Variants in WWOX observed in about 807,000 individuals in gnomAD.
The protein encoded by WWOX is WW domain-containing oxidoreductase.
A neutral mutation model predicts 46.2 loss-of-function variants in WWOX; 69 were observed. The ratio of observed to expected loss-of-function variants is 1.49; its 90% CI spans 1.23 to 1.82. WWOX has a LOEUF of 1.82. Ranked by LOEUF, WWOX falls within the 40% of genes most tolerant of loss-of-function variation. WWOX has a pLI of 0.00. For missense variants in WWOX, 919 were observed against 542.6 expected (o/e 1.69, Z -6.89); for synonymous variants, 359 against 202.6 (o/e 1.77, Z -6.56).
At chr16:78,226,488 C>A (rs1161035649) in intron 5 of WWOX, among the ~76,000 whole-genome samples, 8 of 94,620 alleles carry the variant, frequency 8.5e-5, no homozygotes, top group African/African-American at 3.8e-4. Context: ...TGTCTTCCCT[C>A]CCTCCCTCCC....
At chr16:78,224,455 C>A (rs1033434084) in intron 5 of WWOX, among the ~76,000 whole-genome samples, 3 of 151,544 alleles carry the variant, frequency 2.0e-5, no homozygotes, top group African/African-American at 7.3e-5. Context: ...CAAGAAACTG[C>A]CTTTTTTCAT....
At chr16:78,873,073 G>C (rs879488206) in intron 8 of WWOX, 1 of 152,166 alleles carries the variant, frequency 6.6e-6, no homozygotes, top group African/African-American at 2.4e-5. Context: ...CTGAGATTAC[G>C]GGTGTAAGTC....
chr16:78,587,399 G>GATAA (rs2045236063), intron 8 of WWOX, among the ~76,000 whole-genome samples: 1 of 151,928 alleles, frequency 6.6e-6, no homozygotes, highest in South Asian at 2.1e-4. Context: ...GCATAACTCT[G>GATAA]ATAAGAATAA....
chr16:78,635,037 G>T (rs1456345232), intron 8 of WWOX, among the ~76,000 whole-genome samples: 3 of 152,028 alleles, frequency 2.0e-5, no homozygotes, highest in African/African-American at 7.2e-5. Context: ...CAACCCTGAC[G>T]GCTTCCCTGC....
intron 5 of WWOX, among the ~76,000 whole-genome samples, chr16:78,371,182 G>T (rs1302734171): frequency 1.3e-5 from 2 of 152,170 alleles, no homozygotes; most frequent in East Asian, 3.9e-4. Flanking sequence ...CAGCATGAAT[G>T]TCATTGTTTT....
chr16:78,984,066 G>C (rs563140471), intron 8 of WWOX, among the ~76,000 whole-genome samples: 1 of 151,984 alleles, frequency 6.6e-6, no homozygotes, highest in South Asian at 2.1e-4. Context: ...TTTTAGTAGA[G>C]ACAGGGTTTC....
rs1241495268 is a variant in WWOX at position 78,344,983 on chromosome 16, T to C, written c.517-41877T>C. 2.5e-5 allele frequency among the ~76,000 whole-genome samples: 3 copies of C among 120,322 alleles called. 1 individual carries two copies. Among genetic ancestry groups the C allele is most frequent in the Non-Finnish European group, 5.9e-5 (3 of 50,492 alleles). 78.9% of individuals were successfully genotyped at this position (120,322 alleles called of 152,430 possible). On this transcript the variant is annotated intron_variant, in intron 5 of 8. Coordinates refer to ENST00000566780, the MANE Select transcript of WWOX (RefSeq NM_016373.4). ...ACCTCTCTGAGCAAGCTTCCATTTT[T>C]CCAGGTGAAAACGGGAGTTTAGCCT...
intron 8 of WWOX, among the ~76,000 whole-genome samples, chr16:78,706,568 C>G (rs1030491351): frequency 1.3e-5 from 2 of 152,174 alleles, no homozygotes; most frequent in African/African-American, 4.8e-5. Flanking sequence ...AACAAGAGAG[C>G]TCAGCACACT....
chr16:78,600,778 A>C (rs963661102), intron 8 of WWOX, among the ~76,000 whole-genome samples: 6 of 152,208 alleles, frequency 3.9e-5, no homozygotes, highest in African/African-American at 1.4e-4. Flanking sequence ...TTCTCTGTAC[A>C]GCCATCTTGG....
chr16:79,148,725 A>G (rs1171768641), intron 8 of WWOX, among the ~76,000 whole-genome samples: 3 of 152,090 alleles, frequency 2.0e-5, no homozygotes, highest in Non-Finnish European at 2.9e-5. Flanking sequence ...ATGTAATTCT[A>G]TTTATTTAGT....
chr16:78,146,065 G>C (rs1271564612), intron 4 of WWOX: 2 of 152,174 alleles, frequency 1.3e-5, no homozygotes, highest in Admixed American at 6.5e-5. Flanking sequence ...CTTTAAAATG[G>C]TGTTTGCTAA....
intron 8 of WWOX, among the ~76,000 whole-genome samples, chr16:78,448,308 G>A (rs1285620888): frequency 6.6e-6 from 1 of 152,142 alleles, no homozygotes; most frequent in African/African-American, 2.4e-5. Flanking sequence ...AAAACTCTAT[G>A]TATTAGTTAT....
chr16:78,183,376 A>T (rs370988401), intron 5 of WWOX, among the ~76,000 whole-genome samples: 4 of 152,308 alleles, frequency 2.6e-5, no homozygotes, highest in Admixed American at 1.3e-4. Flanking sequence ...TGGGTGGCAT[A>T]GGACCAGTTG....
chr16:78,322,120 G>T (rs528555951), intron 5 of WWOX, among the ~76,000 whole-genome samples: 13 of 152,222 alleles, frequency 8.5e-5, no homozygotes, highest in African/African-American at 2.9e-4. Flanking sequence ...CCAGATGATT[G>T]TGTATTTACT....
chr16:79,144,871 G>C (rs2050155942), intron 8 of WWOX, among the ~76,000 whole-genome samples: 1 of 152,010 alleles, frequency 6.6e-6, no homozygotes. Flanking sequence ...TTCTATTATT[G>C]TTGCTCATCT....
chr16:78,854,372 A>G (rs992610503), intron 8 of WWOX, among the ~76,000 whole-genome samples: 4 of 152,202 alleles, frequency 2.6e-5, no homozygotes, highest in African/African-American at 9.6e-5. Context: ...TTTAGCACCA[A>G]ATGTTTGAAA....
At position 78,900,935 on chromosome 16, in the gene WWOX, C is replaced by G. The variant is rs532673434; in HGVS notation, c.1057-310673C>G. Among the ~76,000 whole-genome samples the G allele has an allele frequency of 4.0e-5, 6 of 151,758 alleles. No individual in the cohort carries two copies. The South Asian group carries it at 1.2e-3, about 32-fold the overall frequency. On this transcript the variant is annotated intron_variant, in intron 8 of 8. Coordinates refer to ENST00000566780, the MANE Select transcript of WWOX (RefSeq NM_016373.4). ...CCATATTCTCTTTAATGTTCTATTC[C>G]CAAGAAGAGCACTAATTAATCTCTC...
At chr16:78,410,195 A>T (rs536088489) in intron 6 of WWOX, among the ~76,000 whole-genome samples, 31 of 152,250 alleles carry the variant, frequency 2.0e-4, no homozygotes, top group South Asian at 6.2e-4. Flanking sequence ...CTGAGGCCTC[A>T]CCGGAAGCCA....
chr16:78,323,798 G>T (rs911332410), intron 5 of WWOX, among the ~76,000 whole-genome samples: 3 of 151,972 alleles, frequency 2.0e-5, no homozygotes, highest in East Asian at 3.9e-4. Context: ...TCCTTTGTCC[G>T]GCATACTTGA....
Sources: gnomAD v4.1 joint callset for allele counts (sites outside exome capture counted in the v4.1 genomes callset) on GRCh38, gnomAD v4.1.1 for gene constraint, MANE v1.5 for transcripts, NCBI Gene and HGNC (gene_info 2026-07-23, HGNC 2026-07-21) for gene names.